The following EMC7 variants were observed in gnomAD, a reference collection of about 807,000 sequenced individuals.
EMC7 encodes the protein endoplasmic reticulum membrane protein complex subunit 7.
Under a neutral mutation model 24.4 loss-of-function variants are expected in EMC7, and 4 were observed. That is an observed-to-expected ratio of 0.16 (90% confidence interval 0.08 to 0.38). The LOEUF is 0.38. Among genes scored for constraint, EMC7 ranks in the 10% least tolerant of loss-of-function variants. The pLI, the probability that EMC7 is intolerant of heterozygous loss-of-function variation, is 1.00. For missense variants in EMC7, 221 were observed against 300.6 expected, an observed-to-expected ratio of 0.74 and a Z score of 1.96; for synonymous variants, 106 against 112.0, an observed-to-expected ratio of 0.95 and a Z score of 0.34.
At chr15:34,096,947 G>A (rs2140871739) in intron 1 of EMC7, among the ~76,000 whole-genome samples, 1 of 149,302 alleles carries the variant, frequency 6.7e-6, no homozygotes, top group South Asian at 2.1e-4. Flanking sequence ...TCCAGCCTGG[G>A]CAACCAGAGC....
intron 4 of EMC7, 65 bp from the exon 5 acceptor site, chr15:34,084,551 T>C: frequency 6.5e-7 from 1 of 1,540,816 alleles, no homozygotes; most frequent in Non-Finnish European, 8.8e-7. Context: ...TAACACTTCC[T>C]ATTAAGGAAA....
At chr15:34,084,546 C>A in intron 4 of EMC7, 60 bp from the exon 5 acceptor site, 1 of 1,554,378 alleles carries the variant, frequency 6.4e-7, no homozygotes, top group South Asian at 1.2e-5. Flanking sequence ...ACTCCTAACA[C>A]TTCCTATTAA....
At chr15:34,093,996 C>G (rs903441653) in intron 2 of EMC7, among the ~76,000 whole-genome samples, 1 of 150,420 alleles carries the variant, frequency 6.6e-6, no homozygotes, top group Non-Finnish European at 1.5e-5. Flanking sequence ...AACCACTACA[C>G]TCCAGCCTAG....
intron 4 of EMC7, chr15:34,086,008 C>CACA (rs1900880254): frequency 7.4e-6 from 2 of 270,402 alleles, no homozygotes; most frequent in South Asian, 8.8e-5. Context: ...TTGGAGGAAA[C>CACA]ACTGTGAGTA....
intron 4 of EMC7, chr15:34,086,334 T>C: frequency 4.3e-6 from 1 of 232,896 alleles, no homozygotes; most frequent in South Asian, 6.3e-5. Flanking sequence ...TAGGAGATGG[T>C]GCCACCTCTG....
chr15:34,101,383 G>C (rs560321626), intron 1 of EMC7, among the ~76,000 whole-genome samples: 12 of 152,120 alleles, frequency 7.9e-5, no homozygotes, highest in African/African-American at 2.9e-4. Context: ...CTCTGACCAT[G>C]GCAGGGGGTG....
intron 1 of EMC7, among the ~76,000 whole-genome samples, chr15:34,096,289 G>C (rs1463539478): frequency 6.6e-6 from 1 of 152,168 alleles, no homozygotes; most frequent in East Asian, 1.9e-4. Context: ...TCCTGCCTCA[G>C]CCTCCCGAGT....
At chr15:34,095,140 G>A (rs566575870) in intron 2 of EMC7, among the ~76,000 whole-genome samples, 1 of 152,246 alleles carries the variant, frequency 6.6e-6, no homozygotes, top group South Asian at 2.1e-4. Flanking sequence ...GCCTTTGCAT[G>A]ACCTGTGCTT....
chr15:34,086,303 G>C, intron 4 of EMC7: 1 of 252,894 alleles, frequency 4.0e-6, no homozygotes, highest in Non-Finnish European at 8.0e-6. Flanking sequence ...CAAAGGATCT[G>C]AGGGCAGCCA....
At chr15:34,088,256 T>A in intron 3 of EMC7, 123 bp from the exon 4 acceptor site, 1 of 764,562 alleles carries the variant, frequency 1.3e-6, no homozygotes, top group Non-Finnish European at 2.1e-6. Context: ...ATAACACTAG[T>A]AGCAACCACC....
chr15:34,086,303 G>A (rs1038410367), intron 4 of EMC7: 1 of 252,776 alleles, frequency 4.0e-6, no homozygotes, highest in Non-Finnish European at 8.0e-6. Context: ...CAAAGGATCT[G>A]AGGGCAGCCA....
chr15:34,092,705 T>C (rs539281885), intron 2 of EMC7, among the ~76,000 whole-genome samples: 2 of 152,232 alleles, frequency 1.3e-5, no homozygotes, highest in African/African-American at 2.4e-5. Context: ...ATTTAACCTA[T>C]GCTTCAGACA....
At chr15:34,094,647 A>G (rs966502753) in intron 2 of EMC7, among the ~76,000 whole-genome samples, 2 of 152,076 alleles carry the variant, frequency 1.3e-5, no homozygotes, top group African/African-American at 2.4e-5. Context: ...GGATGCAATG[A>G]GCCAAGATTG....
rs375005510 is a variant in EMC7 at position 34,092,261 on chromosome 15, T to TCACACACACACACACACACACA, written c.357-1828_357-1807dup. Among the ~76,000 whole-genome samples, 789 of 141,646 alleles carry TCACACACACACACACACACACA rather than the reference T, an allele frequency of 5.6e-3. 3 individuals carry two copies. Among genetic ancestry groups the TCACACACACACACACACACACA allele is most frequent in the African/African-American group, 0.017 (638 of 38,106 alleles). 92.9% of individuals were successfully genotyped at this position (141,646 alleles called of 152,430 possible). A position where few individuals can be genotyped will look rare whatever the true frequency, so the allele number is the denominator to read the frequency against. ...GCCTGGGTGACAGAGTGAGACTCCG[T>TCACACACACACACACACACACA]CACACACACACACACACACACACAC... On this transcript the variant is annotated intron_variant, in intron 2 of 4. Transcript: ENST00000256545.
At chr15:34,092,791 A>G (rs935814767) in intron 2 of EMC7, among the ~76,000 whole-genome samples, 2 of 152,126 alleles carry the variant, frequency 1.3e-5, no homozygotes, top group Non-Finnish European at 2.9e-5. Context: ...AGCAGGAAGT[A>G]CTCTTTACTC....
intron 2 of EMC7, among the ~76,000 whole-genome samples, chr15:34,094,161 T>G (rs1327581160): frequency 1.3e-5 from 2 of 151,898 alleles, no homozygotes; most frequent in Non-Finnish European, 2.9e-5. Flanking sequence ...TCCCAGCACT[T>G]TGGGAGGCCA....
intron 2 of EMC7, among the ~76,000 whole-genome samples, chr15:34,093,880 C>T (rs1597405390): frequency 7.4e-6 from 1 of 134,444 alleles, no homozygotes; most frequent in African/African-American, 2.9e-5. Context: ...GGCTGGAGTG[C>T]AGTGGTACAG....
chr15:34,092,164 C>T lies in EMC7; in HGVS notation c.357-1709G>A, dbSNP rs184262305. 2.7e-5 allele frequency among the ~76,000 whole-genome samples: 4 copies of T among 150,912 alleles called. No homozygotes were observed. The East Asian group carries it at 8.1e-4, about 31-fold the overall frequency. On this transcript the variant is annotated intron_variant, in intron 2 of 4. Coordinates refer to ENST00000256545, the MANE Select transcript of EMC7 (RefSeq NM_020154.3). ...CCTGTAATCCCAGCTACTTGGGAGG[C>T]TGAGGCAGGAGAATCACTCGAACCC...
intron 2 of EMC7, among the ~76,000 whole-genome samples, chr15:34,093,806 C>CACACACACATATATATATATATATAT (rs61440619): frequency 3.3e-5 from 1 of 30,252 alleles, no homozygotes; most frequent in Non-Finnish European, 7.8e-5. Flanking sequence ...CACACACACA[C>CACACACACATATATATATATATATAT]ATATATATAT....
Sources: allele counts gnomAD v4.1 joint callset (sites outside exome capture counted in the v4.1 genomes callset), GRCh38; gene constraint gnomAD v4.1.1; transcripts MANE v1.5; gene names NCBI Gene and HGNC (gene_info 2026-07-23, HGNC 2026-07-21).